Variants in PARP10 observed in about 807,000 individuals in gnomAD.
PARP10 encodes protein mono-ADP-ribosyltransferase PARP10.
In PARP10, 56 loss-of-function variants were observed where a neutral mutation model predicts 82.4. The observed-to-expected ratio is 0.68, with a 90% confidence interval of 0.55 to 0.85. The LOEUF is 0.85. PARP10 is among the 40% of genes least tolerant of loss of function. PARP10 has a pLI of 0.00. For missense variants in PARP10, 1,227 were observed against 1,379.4 expected (o/e 0.89, Z 1.75); for synonymous variants, 576 against 601.1 (o/e 0.96, Z 0.61).
upstream of PARP10, chr8:143,992,869 A>G (rs1554750834): frequency 6.2e-7 from 1 of 1,606,630 alleles, no homozygotes; most frequent in East Asian, 2.2e-5. Context: ...GTGCCCGCTC[A>G]GGTGGCACGG....
upstream of PARP10, chr8:143,992,805 G>A (rs961135033): frequency 1.9e-6 from 3 of 1,613,686 alleles, no homozygotes; most frequent in African/African-American, 1.3e-5. Flanking sequence ...ACATCTTCCT[G>A]TACATCCTCA....
upstream of PARP10, chr8:143,989,686 C>A (rs1423761672): frequency 2.0e-5 from 3 of 152,138 alleles, no homozygotes; most frequent in African/African-American, 7.2e-5. The surrounding 1 kb of genome is among the most constrained non-coding windows in gnomAD (Gnocchi z 4.3). Context: ...AACCACGAGG[C>A]CTCGATTTGG....
Position 143,977,896 on chromosome 8 carries a change from T to C in PARP10, c.2731+11A>G. On this transcript the variant is annotated intron_variant, in intron 10 of 10. Transcript: ENST00000313028. ...CGCAGAGCCCCCGCCCCTGCCCGGC[T>C]CAGGCCTCACCGTTGCGGCCGCAGA... The C allele has an allele frequency of 6.2e-7, 1 of 1,602,172 alleles. No individual in the cohort carries two copies. The highest frequency in any genetic ancestry group is 8.5e-7 in the Non-Finnish European group (1 of 1,179,010).
chr8:143,993,532 C>G (rs1403250163), upstream of PARP10: 3 of 153,668 alleles, frequency 2.0e-5, no homozygotes, highest in Non-Finnish European at 4.3e-5. Context: ...TAATACAGTG[C>G]CAAGCCTCTG....
In PARP10 at chr8:143,984,068, TG is replaced by T; in HGVS notation, c.1716del (p.Asn573ThrfsTer18). 6.5e-7 allele frequency: 1 copy of T among 1,548,748 alleles called. No individual in the cohort carries two copies. The highest frequency in any genetic ancestry group is 8.7e-7 in the Non-Finnish European group (1 of 1,147,252). ...DPTEALPVLP[G>X]NAHTLWTPDS... ...TCTGGGGTCCACAGGGTGTGGGCGT[TG>T]CCAGGGAGCACTGGGAGGGCCTCGG... On this transcript the variant is annotated frameshift_variant, in exon 7 of 11. Transcript: ENST00000313028. LOFTEE classifies it high-confidence loss of function.
At chr8:143,991,963 T>G (rs782287409), upstream of PARP10, 1 of 1,613,786 alleles carries the variant, frequency 6.2e-7, no homozygotes, top group South Asian at 1.1e-5. Flanking sequence ...AAGGGCTTTG[T>G]CCGGGAGAAT....
chr8:143,996,852 G>A lies in PARP10; in HGVS notation c.-79-10414C>T, dbSNP rs186876759. Among the ~76,000 whole-genome samples, 106 of 152,324 alleles carry A rather than the reference G, an allele frequency of 7.0e-4. No homozygotes were observed. The Middle Eastern group carries it at 0.01, about 15-fold the overall frequency. On this transcript the variant is annotated intron_variant, in intron 1 of 3. Transcript: ENST00000530478. ...CTGAGGAGGCCAGTCGAGGCCATAA[G>A]TAAAAAGCTCAAAAGTCTGAACTGT...
chr8:143,977,314 C>G lies in PARP10; in HGVS notation c.*170G>C. On this transcript the variant is annotated 3_prime_UTR_variant, in exon 11 of 11. Coordinates refer to ENST00000313028, the MANE Select transcript of PARP10 (RefSeq NM_032789.5). ...GCCCAGGCTGGGACCTAGCCCGGCC[C>G]CCCTCGGCCGCTGCTGACCGCCATC... 1.4e-6 allele frequency: 1 copy of G among 727,652 alleles called. No individual in the cohort carries two copies. The highest frequency in any genetic ancestry group is 2.8e-5 in the East Asian group (1 of 36,104). The allele number at this position is 727,652 out of a possible 1,614,324, so 45.1% of individuals were successfully genotyped here. A position where few individuals can be genotyped will look rare whatever the true frequency, so the allele number is the denominator to read the frequency against.
At position 143,977,482 on chromosome 8, in the gene PARP10, G is replaced by T. The variant is rs1554746434; in HGVS notation, c.*2C>A. 1.9e-6 allele frequency: 3 copies of T among 1,542,280 alleles called. No homozygotes were observed. In the South Asian group the frequency reaches 3.6e-5, roughly 19 times the overall value. On this transcript the variant is annotated 3_prime_UTR_variant, in exon 11 of 11. Transcript: ENST00000313028. ...CAGGAGGCCAGAGGGTGGCCCCTTC[G>T]GTTAAGTGTCTGGGGAGCGGCCCGG...
rs1554748992 is a variant in PARP10 at position 143,985,226 on chromosome 8, G to C, written c.776C>G (p.Thr259Ser). Reference protein sequence around the residue: ...ILEPEELAENTSGGDHPSTQG... With the variant: ...ILEPEELAENSSGGDHPSTQG... ...GGTGGACGGGTGGTCCCCTCCACTG[G>C]TGTTCTCAGCCAGCTCCTCGGGCTC... Residue 259 changes from threonine to serine, a missense_variant, in exon 5 of 11, where the codon ACC becomes AGC. Coordinates refer to ENST00000313028, the MANE Select transcript of PARP10 (RefSeq NM_032789.5). The C allele has an allele frequency of 6.2e-7, 1 of 1,614,048 alleles. No individual in the cohort carries two copies.
At chr8:143,996,232 G>C (rs1834164265) in intron 1 of PARP10, among the ~76,000 whole-genome samples, 1 of 152,170 alleles carries the variant, frequency 6.6e-6, no homozygotes, top group Admixed American at 6.5e-5. Context: ...GCCAAAAAGA[G>C]ACTTAAATAA....
chr8:143,991,248 G>T, upstream of PARP10: 1 of 1,575,060 alleles, frequency 6.3e-7, no homozygotes, highest in Non-Finnish European at 8.6e-7. Context: ...GAGTTTTTTG[G>T]TGTCTGGGGA....
intron 1 of PARP10, among the ~76,000 whole-genome samples, chr8:144,004,536 C>A (rs1439747484): frequency 6.6e-6 from 1 of 152,178 alleles, no homozygotes; most frequent in African/African-American, 2.4e-5. Context: ...GCCAACTCCA[C>A]GCAGCAGGTG....
chr8:144,012,547 G>A (rs903886286), exon 1 of PARP10: 70 of 1,551,648 alleles, frequency 4.5e-5, no homozygotes, highest in Non-Finnish European at 5.6e-5. Context: ...GAAGGGCTTC[G>A]GCATCAGATA....
At chr8:144,007,918 G>A (rs577141836) in intron 1 of PARP10, among the ~76,000 whole-genome samples, 4 of 152,310 alleles carry the variant, frequency 2.6e-5, no homozygotes, top group East Asian at 1.9e-4. Context: ...GGACTGTCAC[G>A]ACAGTGCCTG....
chr8:143,978,969 G>GTTTTTTTTTTTTT (rs5895791), intron 9 of PARP10, among the ~76,000 whole-genome samples: 1 of 144,810 alleles, frequency 6.9e-6, no homozygotes, highest in Non-Finnish European at 1.5e-5. Context: ...AACCCTGCAA[G>GTTTTTTTTTTTTT]TTTTTTTTTT....
chr8:144,012,464 C>A, intron 1 of PARP10: 1 of 1,510,276 alleles, frequency 6.6e-7, no homozygotes, highest in Non-Finnish European at 9.0e-7. Context: ...CCTGGGCAGC[C>A]TCCAGGTGCA....
upstream of PARP10, among the ~76,000 whole-genome samples, chr8:143,995,837 C>T (rs559761981): frequency 6.6e-6 from 1 of 152,296 alleles, no homozygotes; most frequent in South Asian, 2.1e-4. Context: ...TGAACACAGA[C>T]AAAACATGGG....
chr8:143,984,851 G>A lies in PARP10; in HGVS notation c.1151C>T (p.Ser384Phe). The A allele has an allele frequency of 6.2e-6, 10 of 1,612,378 alleles. No individual in the cohort carries two copies. The highest frequency in any genetic ancestry group is 8.5e-6 in the Non-Finnish European group (10 of 1,178,950). Residue 384 changes from serine to phenylalanine, a missense_variant, in exon 5 of 11, where the codon TCT (serine) becomes TTT (phenylalanine). Physicochemically the swap from Ser to Phe is radical, Grantham distance 155 (BLOSUM62 -2). Coordinates refer to ENST00000313028, the MANE Select transcript of PARP10 (RefSeq NM_032789.5). ...CTTAGAGGTCTCCACTGGGCCTGCA[G>A]ACCCCACAGGCCCCAGGCTCATGGG... ...EGPMSLGPVG[S>F]AGPVETSKGL...
Sources: gnomAD v4.1 joint callset for allele counts (sites outside exome capture counted in the v4.1 genomes callset) on GRCh38, gnomAD v4.1.1 for gene constraint, Gnocchi (gnomAD v3.1) non-coding constraint, MANE v1.5 for transcripts, NCBI Gene and HGNC (gene_info 2026-07-23, HGNC 2026-07-21) for gene names.